SIPA1L2: variants seen among roughly 807,000 people sequenced by gnomAD.
The protein encoded by SIPA1L2 is signal induced proliferation associated 1 like 2, also known as signal-induced proliferation-associated 1-like protein 2.
Under a neutral mutation model 163.9 loss-of-function variants are expected in SIPA1L2, and 56 were observed. That is an observed-to-expected ratio of 0.34 (90% CI 0.28 to 0.43). The LOEUF is 0.43. Ranked by LOEUF, SIPA1L2 falls within the 20% of genes least tolerant of loss-of-function variation. SIPA1L2 has a pLI of 1.00. For synonymous variants in SIPA1L2, 877 were observed against 865.7 expected (o/e 1.01, Z -0.23); for missense variants, 1,974 against 2,193.5 (o/e 0.90, Z 2.00).
Position 232,403,486 on chromosome 1 carries a change from T to C in SIPA1L2, c.4902A>G (p.Val1634=), listed in dbSNP as rs1660466975. 2 of 1,614,088 alleles carry C rather than the reference T, an allele frequency of 1.2e-6. No homozygotes were observed. Among genetic ancestry groups the C allele is most frequent in the Non-Finnish European group, 1.7e-6 (2 of 1,179,964 alleles). ...LEGAQELPLC[V]DPGSGKEFMD... Reference sequence around the variant, plus strand: ...TGAACTCTTTGCCACTGCCTGGATCTACACATAAGGGCAGCTCTTGGGCCC... The same window carrying C: ...TGAACTCTTTGCCACTGCCTGGATCCACACATAAGGGCAGCTCTTGGGCCC... Residue 1634 remains valine, a synonymous_variant, in exon 21 of 23, where the codon GTA becomes GTG. Coordinates refer to ENST00000674635, the MANE Select transcript of SIPA1L2 (RefSeq NM_020808.5).
chr1:232,411,739 G>C (rs1015543422), intron 19 of SIPA1L2, among the ~76,000 whole-genome samples: 2 of 151,984 alleles, frequency 1.3e-5, no homozygotes, highest in African/African-American at 4.8e-5. Context: ...TTCTTTAAAA[G>C]CTACCCTCTC....
chr1:232,627,455 G>A (rs1408961466), intron 1 of SIPA1L2, among the ~76,000 whole-genome samples: 4 of 151,942 alleles, frequency 2.6e-5, no homozygotes, highest in Non-Finnish European at 5.9e-5. Flanking sequence ...AGATCCCCAA[G>A]GTGGACAAGT....
intron 1 of SIPA1L2, among the ~76,000 whole-genome samples, chr1:232,596,698 G>A (rs1661271980): frequency 6.6e-6 from 1 of 152,162 alleles, no homozygotes; most frequent in Non-Finnish European, 1.5e-5. Context: ...TTTGTAGAAA[G>A]AACAGCTTCT....
At chr1:232,593,488 T>A (rs1270163647) in intron 1 of SIPA1L2, among the ~76,000 whole-genome samples, 1 of 152,200 alleles carries the variant, frequency 6.6e-6, no homozygotes, top group Non-Finnish European at 1.5e-5. Context: ...TACATTTTTT[T>A]AAATGTAGCT....
intron 10 of SIPA1L2, 87 bp from the exon 11 acceptor site, chr1:232,445,873 C>T: frequency 6.8e-7 from 1 of 1,472,056 alleles, no homozygotes; most frequent in Admixed American, 1.9e-5. Flanking sequence ...CCTCAACACA[C>T]ATCACATGGT....
chr1:232,491,938 T>C (rs1665953237), intron 4 of SIPA1L2, among the ~76,000 whole-genome samples: 1 of 152,210 alleles, frequency 6.6e-6, no homozygotes. Context: ...TCGAAATCAC[T>C]AATGTCACTA....
chr1:232,465,235 A>G lies in SIPA1L2; in HGVS notation c.2425T>C (p.Leu809=), dbSNP rs922395992. 1 of 1,614,172 alleles carries G rather than the reference A, an allele frequency of 6.2e-7. No homozygotes were observed. The highest frequency in any genetic ancestry group is 1.3e-5 in the African/African-American group (1 of 75,046). ...ACAAAGTTCTCCGCCAGATCTTTCA[A>G]GTACTCCTGCCTCGTTCGAGTGGCC... is the stretch of plus-strand genomic sequence containing the variant. ...AMATRTRQEY[L]KDLAENFVTT... The change falls in exon 9 of 23, where the codon TTG becomes CTG. Residue 809 remains leucine (L), a synonymous_variant. Transcript: ENST00000674635. This position sits in a 1 kb window ranked among gnomAD's most constrained non-coding sequence, Gnocchi z 4.1.
chr1:232,469,008 G>A (rs1187630673), intron 8 of SIPA1L2, among the ~76,000 whole-genome samples: 1 of 152,186 alleles, frequency 6.6e-6, no homozygotes, highest in Non-Finnish European at 1.5e-5. Flanking sequence ...GCATTCTGCT[G>A]CGCTCATGGG....
intron 1 of SIPA1L2, among the ~76,000 whole-genome samples, chr1:232,614,718 CA>C (rs1282991874): frequency 1.3e-5 from 2 of 152,218 alleles, no homozygotes; most frequent in East Asian, 3.9e-4. Context: ...GAAAGGAATG[CA>C]ACTTTCGAAT....
At chr1:232,620,057 G>C (rs1662719655) in intron 1 of SIPA1L2, among the ~76,000 whole-genome samples, 1 of 152,066 alleles carries the variant, frequency 6.6e-6, no homozygotes, top group African/African-American at 2.4e-5. Flanking sequence ...GCTAATTTTT[G>C]TATTTTTAGT....
chr1:232,454,782 A>T (rs1663798443), intron 10 of SIPA1L2, among the ~76,000 whole-genome samples: 1 of 152,154 alleles, frequency 6.6e-6, no homozygotes, highest in East Asian at 1.9e-4. Context: ...TATTACTTGG[A>T]AAGGGTGACA....
At chr1:232,490,532 A>G (rs1665872503) in intron 5 of SIPA1L2, among the ~76,000 whole-genome samples, 1 of 152,128 alleles carries the variant, frequency 6.6e-6, no homozygotes, top group Non-Finnish European at 1.5e-5. Context: ...ACAAGAATAA[A>G]TGTTGGTTCA....
chr1:232,462,355 C>A, intron 9 of SIPA1L2: 1 of 1,524,926 alleles, frequency 6.6e-7, no homozygotes, highest in Non-Finnish European at 8.8e-7. Context: ...ATGAACACTC[C>A]ATTTCTATGA....
intron 5 of SIPA1L2, among the ~76,000 whole-genome samples, chr1:232,487,170 C>T (rs6698413): frequency 0.011 from 1,703 of 152,326 alleles, 31 homozygotes; most frequent in African/African-American, 0.038. Flanking sequence ...ATCCAACCCA[C>T]GTCCCATTTT....
At chr1:232,518,170 T>C (rs1191968879) in intron 2 of SIPA1L2, among the ~76,000 whole-genome samples, 1 of 152,252 alleles carries the variant, frequency 6.6e-6, no homozygotes, top group Non-Finnish European at 1.5e-5. Context: ...TGTGAAATTC[T>C]TTCCTAAAGG....
intron 1 of SIPA1L2, among the ~76,000 whole-genome samples, chr1:232,584,142 C>CA (rs995818836): frequency 6.6e-6 from 1 of 151,942 alleles, no homozygotes; most frequent in Admixed American, 6.5e-5. Context: ...AGAACATACT[C>CA]AGAGAGGCCA....
At chr1:232,464,770 C>T (rs778928852) in intron 9 of SIPA1L2, 70 bp downstream of exon 9, 80 of 1,251,158 alleles carry the variant, frequency 6.4e-5, no homozygotes, top group Non-Finnish European at 5.9e-5. Context: ...AGCAGTTCCC[C>T]AGTGAAAGTT....
intron 7 of SIPA1L2, among the ~76,000 whole-genome samples, chr1:232,472,664 G>A (rs1400289066): frequency 1.3e-5 from 2 of 152,180 alleles, no homozygotes; most frequent in African/African-American, 4.8e-5. Context: ...ACTTGGTGAT[G>A]TCATTGCTGG....
intron 19 of SIPA1L2, among the ~76,000 whole-genome samples, chr1:232,414,353 C>A (rs1460140581): frequency 6.6e-6 from 1 of 152,134 alleles, no homozygotes; most frequent in Non-Finnish European, 1.5e-5. Flanking sequence ...ACCATCGGGC[C>A]TCCCTAACGC....
Sources: gnomAD v4.1 joint callset for allele counts (sites outside exome capture counted in the v4.1 genomes callset) on GRCh38, gnomAD v4.1.1 for gene constraint, Gnocchi (gnomAD v3.1) non-coding constraint, MANE v1.5 for transcripts, NCBI Gene and HGNC (gene_info 2026-07-23, HGNC 2026-07-21) for gene names.